The following GARS1 variants were observed in gnomAD, a reference collection of about 807,000 sequenced individuals.
GARS1 encodes glycyl-tRNA synthetase 1.
A neutral mutation model predicts 86.4 loss-of-function variants in GARS1; 46 were observed. The ratio of observed to expected loss-of-function variants is 0.53; its 90% CI spans 0.42 to 0.68. The LOEUF is 0.68. Among genes scored for constraint, GARS1 ranks in the 30% least tolerant of loss-of-function variants. The pLI is 0.00. For synonymous variants in GARS1, 342 were observed against 329.8 expected (o/e 1.04, Z -0.40); for missense variants, 797 against 915.6 (o/e 0.87, Z 1.67).
chr7:30,615,880 AC>A lies in GARS1; in HGVS notation c.1032-15del. 6.2e-7 allele frequency: 1 copy of A among 1,614,048 alleles called. No homozygotes were observed. ...AGTTAAATATGCAGGTTTATCGCTT[AC>A]GTTTTTGCTTTCAGAGAATTCACAA... On this transcript the variant is annotated splice_polypyrimidine_tract_variant and intron_variant, in intron 8 of 16. Coordinates refer to ENST00000389266, the MANE Select transcript of GARS1 (RefSeq NM_002047.4).
Position 30,632,286 on chromosome 7 carries a change from A to ACGATT in GARS1, c.1945_1949dup (p.Ser651IlefsTer29). On this transcript the variant is annotated frameshift_variant, in exon 16 of 17. Transcript: ENST00000389266. LOFTEE classifies it high-confidence loss of function. The surrounding 1 kb of genome is among the most constrained non-coding windows in gnomAD (Gnocchi z 4.1). The stretch of plus-strand genomic sequence containing the variant: ...AGGCATGGAGTATCTCACAAAGTAG[A>ACGATT]CGATTCCTCTGGGTCAATCGGAAGG... 2 of 1,614,190 alleles carry ACGATT rather than the reference A, an allele frequency of 1.2e-6. No homozygotes were observed. Among genetic ancestry groups the ACGATT allele is most frequent in the Non-Finnish European group, 1.7e-6 (2 of 1,180,022 alleles).
intron 14 of GARS1, among the ~76,000 whole-genome samples, chr7:30,629,747 G>A (rs1783200003): frequency 6.6e-6 from 1 of 152,196 alleles, no homozygotes; most frequent in Admixed American, 6.5e-5. Flanking sequence ...TGAAGGAGCA[G>A]CCCTATTCAT....
chr7:30,598,377 CTTT>C (rs1174085518), intron 1 of GARS1, among the ~76,000 whole-genome samples: 34 of 99,596 alleles, frequency 3.4e-4, no homozygotes, highest in African/African-American at 9.6e-4. Context: ...TTGCATCATT[CTTT>C]TTTTTTTTTT....
chr7:30,607,575 A>G (rs2128133517), intron 6 of GARS1, among the ~76,000 whole-genome samples: 1 of 152,250 alleles, frequency 6.6e-6, no homozygotes, highest in East Asian at 1.9e-4. Flanking sequence ...GAGGGATAGC[A>G]TTAGGAGAAA....
intron 1 of GARS1, among the ~76,000 whole-genome samples, chr7:30,595,529 GGCTCTGCTGTACTCTTTGT>G (rs1791228795): frequency 6.6e-6 from 1 of 152,176 alleles, no homozygotes. Context: ...CAGTTTTCCA[GGCTCTGCTGTACTCTTTGT>G]GCACCCTGGG....
Position 30,622,250 on chromosome 7 carries a change from T to C in GARS1, c.1468-67T>C, listed in dbSNP as rs1353725175. The C allele has an allele frequency of 9.5e-6, 15 of 1,585,330 alleles. No homozygotes were observed. The East Asian group carries it at 1.1e-4, about 12-fold the overall frequency. On this transcript the variant is annotated intron_variant, in intron 11 of 16. Coordinates refer to ENST00000389266, the MANE Select transcript of GARS1 (RefSeq NM_002047.4). ...ATGGTTTTAAGTTGATGATTGATTG[T>C]TCTCAGGCTCATTTTCTGAAATACT...
intron 14 of GARS1, chr7:30,631,175 A>G (rs2128136156): frequency 2.7e-6 from 1 of 368,390 alleles, no homozygotes; most frequent in Non-Finnish European, 5.2e-6. Context: ...AAGCAAGCAG[A>G]GCAGGTGGTA....
In GARS1 at chr7:30,612,248, A is replaced by G. The variant is rs1782771570; in HGVS notation, c.1031+3A>G. 1 of 1,613,714 alleles carries G rather than the reference A, an allele frequency of 6.2e-7. No individual in the cohort carries two copies. Reference sequence around the variant, plus strand: ...CGATCTGGACTGATCAGAGTCAGGTACTGCTCAGGTTACTCTTACAAATTA... The same window carrying G: ...CGATCTGGACTGATCAGAGTCAGGTGCTGCTCAGGTTACTCTTACAAATTA... On this transcript the variant is annotated splice_donor_region_variant and intron_variant, in intron 8 of 16. Transcript: ENST00000389266.
At chr7:30,597,017 T>A (rs926748708) in intron 1 of GARS1, among the ~76,000 whole-genome samples, 2 of 152,228 alleles carry the variant, frequency 1.3e-5, no homozygotes, top group African/African-American at 4.8e-5. Flanking sequence ...TTTGTCACTT[T>A]AAGAAAACAA....
In GARS1 at chr7:30,628,275, C is replaced by T. The variant is rs1392933180; in HGVS notation, c.1700-285C>T. 2.0e-5 allele frequency among the ~76,000 whole-genome samples: 3 copies of T among 151,902 alleles called. No homozygotes were observed. In the East Asian group the frequency reaches 5.8e-4, roughly 29 times the overall value. ...TCTTGGTTCACTGCAACCTCCGCCT[C>T]CTGGGTTCAAGCAATTCTCCTGCCT... On this transcript the variant is annotated intron_variant, in intron 13 of 16. Transcript: ENST00000389266.
At position 30,598,979 on chromosome 7, in the gene GARS1, GA is replaced by G. The variant is rs546407238; in HGVS notation, c.324+86del. 2,615 of 1,112,658 alleles carry G rather than the reference GA, an allele frequency of 2.4e-3. 9 individuals are homozygous for G. The highest frequency in any genetic ancestry group is 4.8e-3 in the Admixed American group (252 of 52,904). 68.9% of individuals were successfully genotyped at this position (1,112,658 alleles called of 1,614,324 possible). A position where few individuals can be genotyped will look rare whatever the true frequency, so the allele number is the denominator to read the frequency against. On this transcript the variant is annotated intron_variant, in intron 2 of 16. Transcript: ENST00000389266. ...AATTTCTTTGGATGGGAGAGACCTA[GA>G]AAAGTTTCTGAACAAGTATCATTTG...
At position 30,632,165 on chromosome 7, in the gene GARS1, T is replaced by C; in HGVS notation, c.1904-82T>C. ...GTCTTGGTCCCATTTATAAGTCTCC[T>C]GAGCTTGTAAGACAGTAGTTAGATA... On this transcript the variant is annotated intron_variant, in intron 15 of 16. Transcript: ENST00000389266. The surrounding 1 kb of genome is among the most constrained non-coding windows in gnomAD (Gnocchi z 4.1). The C allele has an allele frequency of 2.2e-6, 3 of 1,348,008 alleles. No homozygotes were observed. Among genetic ancestry groups the C allele is most frequent in the Non-Finnish European group, 3.1e-6 (3 of 956,584 alleles). 83.5% of individuals were successfully genotyped at this position (1,348,008 alleles called of 1,614,324 possible).
chr7:30,628,818 G>T (rs1281547111), intron 14 of GARS1, 149 bp downstream of exon 14: 1 of 575,854 alleles, frequency 1.7e-6, no homozygotes, highest in Non-Finnish European at 3.2e-6. Flanking sequence ...GCTTAAGTAT[G>T]TATAGACAAA....
At position 30,632,184 on chromosome 7, in the gene GARS1, T is replaced by A. The variant is rs1783246707; in HGVS notation, c.1904-63T>A. 1 of 1,497,400 alleles carries A rather than the reference T, an allele frequency of 6.7e-7. No homozygotes were observed. The highest frequency in any genetic ancestry group is 9.2e-7 in the Non-Finnish European group (1 of 1,083,930). The allele number at this position is 1,497,400 out of a possible 1,614,324, so 92.8% of individuals were successfully genotyped here. On this transcript the variant is annotated intron_variant, in intron 15 of 16. Coordinates refer to ENST00000389266, the MANE Select transcript of GARS1 (RefSeq NM_002047.4). The surrounding 1 kb of genome is among the most constrained non-coding windows in gnomAD (Gnocchi z 4.1). ...GTCTCCTGAGCTTGTAAGACAGTAGTTAGATAACACTGGGCTTAACTCCAT... is the reference window on the plus strand; with the variant it reads ...GTCTCCTGAGCTTGTAAGACAGTAGATAGATAACACTGGGCTTAACTCCAT...
intron 2 of GARS1, 119 bp from the exon 3 acceptor site, chr7:30,599,828 C>A: frequency 1.5e-6 from 1 of 684,182 alleles, no homozygotes; most frequent in Non-Finnish European, 2.5e-6. Flanking sequence ...CTATCAAAAT[C>A]TTGTCTGTTT....
At chr7:30,617,020 T>C in intron 9 of GARS1, 94 bp from the exon 10 acceptor site, 1 of 1,239,522 alleles carries the variant, frequency 8.1e-7, no homozygotes, top group Non-Finnish European at 1.2e-6. Context: ...TATTTTTCAG[T>C]AGAGTGAGTC....
chr7:30,621,058 T>TC (rs926764737), intron 10 of GARS1, among the ~76,000 whole-genome samples: 3 of 150,772 alleles, frequency 2.0e-5, no homozygotes, highest in African/African-American at 7.3e-5. Flanking sequence ...TTCTTTCTTT[T>TC]TTTTTTTTTT....
At chr7:30,597,667 G>T (rs1481720683) in intron 1 of GARS1, among the ~76,000 whole-genome samples, 1 of 152,092 alleles carries the variant, frequency 6.6e-6, no homozygotes, top group African/African-American at 2.4e-5. Context: ...AAAAGTATTA[G>T]AATAATCACA....
At chr7:30,605,288 C>T (rs1791458679) in intron 6 of GARS1, among the ~76,000 whole-genome samples, 1 of 152,254 alleles carries the variant, frequency 6.6e-6, no homozygotes, top group African/African-American at 2.4e-5. Context: ...GATTTAACAG[C>T]TCAGAACGAA....
Sources: allele counts gnomAD v4.1 joint callset (sites outside exome capture counted in the v4.1 genomes callset), GRCh38; gene constraint gnomAD v4.1.1; non-coding constraint Gnocchi (gnomAD v3.1); transcripts MANE v1.5; gene names NCBI Gene and HGNC (gene_info 2026-07-23, HGNC 2026-07-21).